ATXN7L1: variants seen among roughly 807,000 people sequenced by gnomAD.
The protein encoded by ATXN7L1 is ataxin 7 like 1.
A neutral mutation model predicts 70.8 loss-of-function variants in ATXN7L1; 15 were observed. The observed-to-expected ratio is 0.21, with a 90% CI of 0.14 to 0.33. The LOEUF (loss-of-function observed/expected upper bound fraction) is 0.33, where lower values mean the gene tolerates loss of function less well. ATXN7L1 is among the 10% of genes least tolerant of loss of function. ATXN7L1 has a pLI of 1.00. For missense variants in ATXN7L1, 975 were observed against 1,097.1 expected, an observed-to-expected ratio of 0.89 and a Z score of 1.57; for synonymous variants, 440 against 445.1, an observed-to-expected ratio of 0.99 and a Z score of 0.14.
intron 2 of ATXN7L1, among the ~76,000 whole-genome samples, chr7:105,819,047 G>A (rs996018298): frequency 4.0e-5 from 2 of 50,544 alleles, no homozygotes; most frequent in Non-Finnish European, 7.9e-5. Context: ...CCCCACCCCC[G>A]GAGAGACCCC....
At chr7:105,803,313 C>T (rs1016281646) in intron 2 of ATXN7L1, among the ~76,000 whole-genome samples, 1 of 152,252 alleles carries the variant, frequency 6.6e-6, no homozygotes, top group South Asian at 2.1e-4. Flanking sequence ...CCCTTCTTCT[C>T]TGCCCTAGCT....
intron 2 of ATXN7L1, among the ~76,000 whole-genome samples, chr7:105,839,286 A>C (rs1812859913): frequency 6.6e-6 from 1 of 152,112 alleles, no homozygotes; most frequent in Non-Finnish European, 1.5e-5. Context: ...CAAAACTTGA[A>C]CATGGAAGAT....
intron 3 of ATXN7L1, among the ~76,000 whole-genome samples, chr7:105,730,783 G>T (rs1323896059): frequency 1.3e-5 from 2 of 151,982 alleles, no homozygotes; most frequent in African/African-American, 4.8e-5. Flanking sequence ...ACAACTAAAT[G>T]TAAGTTGGTG....
intron 3 of ATXN7L1, among the ~76,000 whole-genome samples, chr7:105,729,904 A>T (rs1480974146): frequency 6.6e-6 from 1 of 151,626 alleles, no homozygotes; most frequent in Non-Finnish European, 1.5e-5. Flanking sequence ...CGCCCAGCTA[A>T]TTTTTTGTAT....
At chr7:105,611,083 G>A (rs1793106815) in intron 10 of ATXN7L1, among the ~76,000 whole-genome samples, 1 of 152,218 alleles carries the variant, frequency 6.6e-6, no homozygotes, top group African/African-American at 2.4e-5. Flanking sequence ...AGTTTTCCCG[G>A]CTAGGAGATG....
intron 7 of ATXN7L1, among the ~76,000 whole-genome samples, chr7:105,626,340 T>C (rs939394815): frequency 6.6e-6 from 1 of 152,090 alleles, no homozygotes; most frequent in Non-Finnish European, 1.5e-5. Flanking sequence ...AGAACAAGAG[T>C]TATCAGGAGT....
intron 3 of ATXN7L1, among the ~76,000 whole-genome samples, chr7:105,697,842 C>G (rs1387264675): frequency 6.6e-6 from 1 of 152,258 alleles, no homozygotes; most frequent in African/African-American, 2.4e-5. Context: ...GCCGGTCCCT[C>G]TGTTTGGGGT....
At chr7:105,788,797 A>G (rs1441668791) in intron 2 of ATXN7L1, 89 bp from the exon 3 acceptor site, 3 of 1,086,772 alleles carry the variant, frequency 2.8e-6, no homozygotes, top group South Asian at 1.3e-5. Flanking sequence ...CTTCAAGGAC[A>G]GTTTTTCAAA....
rs1390485912 is a variant in ATXN7L1, at chr7:105,751,268, T to C, written c.355+37336A>G. Among the ~76,000 whole-genome samples, 3 of 152,134 alleles carry C rather than the reference T, an allele frequency of 2.0e-5. No homozygotes were observed. In the East Asian group the frequency reaches 5.8e-4, roughly 29 times the overall value. On this transcript the variant is annotated intron_variant, in intron 3 of 11. Transcript: ENST00000419735. Reference sequence around the variant, plus strand: ...AAAACTCTCAATGGAGTTATGCATATAGGAAAAGGCACAAATCACACATGT... The same window carrying C: ...AAAACTCTCAATGGAGTTATGCATACAGGAAAAGGCACAAATCACACATGT...
intron 3 of ATXN7L1, among the ~76,000 whole-genome samples, chr7:105,666,771 T>C (rs1237510058): frequency 6.6e-6 from 1 of 152,220 alleles, no homozygotes; most frequent in East Asian, 1.9e-4. Context: ...TACAGCTTAG[T>C]TCTCAGAAGC....
chr7:105,836,406 G>T (rs376725020), intron 2 of ATXN7L1, among the ~76,000 whole-genome samples: 2 of 152,130 alleles, frequency 1.3e-5, no homozygotes, highest in African/African-American at 4.8e-5. Flanking sequence ...CAAATGAGAC[G>T]AATGTGTTAA....
intron 3 of ATXN7L1, among the ~76,000 whole-genome samples, chr7:105,749,731 T>C (rs1164818541): frequency 8.1e-6 from 1 of 122,792 alleles, no homozygotes; most frequent in Non-Finnish European, 2.0e-5. Flanking sequence ...GTTGATTTCA[T>C]CTGGGCAGCA....
rs189300293 is a variant in ATXN7L1, at chr7:105,788,563, G to A, written c.355+41C>T. ...AGGGGAAGGCGACTGTCCCCAGGGC[G>A]GCAGCTGCAGATGTGGCCGACGGTG... On this transcript the variant is annotated intron_variant, in intron 3 of 11. Transcript: ENST00000419735. 3.1e-4 allele frequency: 456 copies of A among 1,493,940 alleles called. 3 individuals are homozygous for A. The African/African-American group carries it at 4.3e-3, about 14-fold the overall frequency. 92.5% of individuals were successfully genotyped at this position (1,493,940 alleles called of 1,614,324 possible). A position where few individuals can be genotyped will look rare whatever the true frequency, so the allele number is the denominator to read the frequency against.
Position 105,646,184 on chromosome 7 carries a change from G to A in ATXN7L1, c.579-3063C>T, listed in dbSNP as rs143959364. Among the ~76,000 whole-genome samples the A allele has an allele frequency of 1.9e-4, 29 of 152,198 alleles. No individual in the cohort carries two copies. In the East Asian group the frequency reaches 5.4e-3, roughly 28 times the overall value. On this transcript the variant is annotated intron_variant, in intron 4 of 11. Coordinates refer to ENST00000419735, the MANE Select transcript of ATXN7L1 (RefSeq NM_020725.2). Reference sequence around the variant, plus strand: ...AAAAATTAGCCAGGCATGGTGGCATGTGCCTGTAGTCCTAGTTACTTGGGA... The same window carrying A: ...AAAAATTAGCCAGGCATGGTGGCATATGCCTGTAGTCCTAGTTACTTGGGA...
At chr7:105,706,907 C>T (rs1793248308) in intron 3 of ATXN7L1, among the ~76,000 whole-genome samples, 1 of 152,218 alleles carries the variant, frequency 6.6e-6, no homozygotes, top group Non-Finnish European at 1.5e-5. Context: ...TGCAGTGTGG[C>T]TGCTCTGATG....
chr7:105,721,631 T>C (rs1795197746), intron 3 of ATXN7L1, among the ~76,000 whole-genome samples: 1 of 152,218 alleles, frequency 6.6e-6, no homozygotes. Context: ...TTGGGTGTCA[T>C]TCCTTTGTGA....
intron 3 of ATXN7L1, among the ~76,000 whole-genome samples, chr7:105,758,653 C>T (rs894269078): frequency 6.6e-6 from 1 of 152,236 alleles, no homozygotes; most frequent in Non-Finnish European, 1.5e-5. Context: ...CCCTGGCCAC[C>T]ACCCAGTTTT....
chr7:105,613,118 C>A (rs981847927), intron 10 of ATXN7L1, among the ~76,000 whole-genome samples: 5 of 152,312 alleles, frequency 3.3e-5, no homozygotes, highest in Admixed American at 1.3e-4. Context: ...AGTAGCCCCC[C>A]AGCCGGAGGA....
In ATXN7L1 at chr7:105,727,767, T is replaced by TATATATA. The variant is rs1554442532; in HGVS notation, c.355+60830_355+60836dup. ...GTGTGTATATATATATATATATATATATATATATATACACACACATACACA... is the reference window on the plus strand; with the variant it reads ...GTGTGTATATATATATATATATATATATATATAATATATATATACACACACATACACA... On this transcript the variant is annotated intron_variant, in intron 3 of 11. Transcript: ENST00000419735. Among the ~76,000 whole-genome samples, 115 of 100,272 alleles carry TATATATA rather than the reference T, an allele frequency of 1.1e-3. 3 individuals are homozygous for TATATATA. The highest frequency in any genetic ancestry group is 3.3e-3 in the African/African-American group (83 of 25,174). The allele number at this position is 100,272 out of a possible 152,430, so 65.8% of individuals were successfully genotyped here. A position where few individuals can be genotyped will look rare whatever the true frequency, so the allele number is the denominator to read the frequency against.
Sources: gnomAD v4.1 joint callset for allele counts (sites outside exome capture counted in the v4.1 genomes callset) on GRCh38, gnomAD v4.1.1 for gene constraint, MANE v1.5 for transcripts, NCBI Gene and HGNC (gene_info 2026-07-23, HGNC 2026-07-21) for gene names.